IGSF23: variants seen among roughly 807,000 people sequenced by gnomAD.
IGSF23 encodes the protein immunoglobulin superfamily member 23, also known as immunoglobulin superfamily, member 23.
A neutral mutation model predicts 17.8 loss-of-function variants in IGSF23; 14 were observed. The ratio of observed to expected loss-of-function variants is 0.79; its 90% CI spans 0.52 to 1.23. The LOEUF (loss-of-function observed/expected upper bound fraction) is 1.23. Among genes scored for constraint, IGSF23 ranks in the 50% most tolerant of loss-of-function variants. The pLI, the probability that IGSF23 is intolerant of heterozygous loss-of-function variation, is 0.00. For synonymous variants in IGSF23, 85 were observed against 92.5 expected (o/e 0.92, Z 0.46); for missense variants, 214 against 241.7 (o/e 0.89, Z 0.76).
At chr19:44,634,436 G>C (rs1304231230) in intron 3 of IGSF23, among the ~76,000 whole-genome samples, 1 of 152,128 alleles carries the variant, frequency 6.6e-6, no homozygotes, top group Non-Finnish European at 1.5e-5. Context: ...CAAGGAAAAG[G>C]CTCAAATGTA....
chr19:44,628,127 C>T (rs1365456912), intron 3 of IGSF23, among the ~76,000 whole-genome samples: 2 of 151,762 alleles, frequency 1.3e-5, no homozygotes, highest in African/African-American at 4.8e-5. Flanking sequence ...GTATATTTAG[C>T]AGAGACAGGG....
In IGSF23 at chr19:44,635,418, T is replaced by G; in HGVS notation, c.563T>G (p.Ile188Arg). 1 of 1,548,840 alleles carries G rather than the reference T, an allele frequency of 6.5e-7. No homozygotes were observed. The change falls in exon 4 of 5, where the codon ATA (isoleucine) becomes AGA (arginine). Residue 188 changes from isoleucine to arginine, a missense_variant. Transcript: ENST00000402988. The part of the protein sequence containing the change: ...IQSLRTDRQR[I>R]GICS ...CACTGCAGGACTGACAGGCAGAGAA[T>G]AGGAATATGCAGCTGAAATGTGGGC...
chr19:44,622,632 C>G (rs112738108), intron 1 of IGSF23, among the ~76,000 whole-genome samples: 1 of 152,182 alleles, frequency 6.6e-6, no homozygotes, highest in Non-Finnish European at 1.5e-5. Context: ...AGCCAGCTCA[C>G]GTCCCTCCTC....
intron 3 of IGSF23, among the ~76,000 whole-genome samples, chr19:44,628,464 T>C (rs1315723785): frequency 6.6e-6 from 1 of 152,090 alleles, no homozygotes; most frequent in Admixed American, 6.5e-5. Flanking sequence ...GTATATTGGA[T>C]GGGCCAGGTG....
chr19:44,621,807 A>G (rs1428759735), intron 1 of IGSF23, among the ~76,000 whole-genome samples: 1 of 152,118 alleles, frequency 6.6e-6, no homozygotes, highest in Non-Finnish European at 1.5e-5. Context: ...GTTTTCTATA[A>G]TATTTCTTTT....
chr19:44,621,226 T>A (rs1235518754), intron 1 of IGSF23, among the ~76,000 whole-genome samples: 1 of 147,030 alleles, frequency 6.8e-6, no homozygotes, highest in Admixed American at 7.0e-5. Context: ...GAGGCTGCAG[T>A]GAGCTGTAAC....
chr19:44,617,141 C>T (rs1972399678), intron 1 of IGSF23, among the ~76,000 whole-genome samples: 1 of 151,486 alleles, frequency 6.6e-6, no homozygotes, highest in African/African-American at 2.4e-5. Context: ...AGTAATCTTC[C>T]AGCCTTGCCC....
At chr19:44,623,564 G>A in intron 1 of IGSF23, 143 bp from the exon 2 acceptor site, 7 of 885,606 alleles carry the variant, frequency 7.9e-6, no homozygotes, top group Non-Finnish European at 1.2e-5. Flanking sequence ...GCACAGACCA[G>A]GCTCTTCAAA....
At chr19:44,634,336 C>T (rs1433297550) in intron 3 of IGSF23, among the ~76,000 whole-genome samples, 1 of 152,192 alleles carries the variant, frequency 6.6e-6, no homozygotes, top group Non-Finnish European at 1.5e-5. Context: ...CAGCAGTTTT[C>T]TTTTTTCCCC....
Position 44,626,513 on chromosome 19 carries a change from C to A in IGSF23, c.392-907C>A, listed in dbSNP as rs554462455. Among the ~76,000 whole-genome samples, 24 of 152,240 alleles carry A rather than the reference C, an allele frequency of 1.6e-4. No homozygotes were observed. The South Asian group carries it at 5.0e-3, about 32-fold the overall frequency. On this transcript the variant is annotated intron_variant, in intron 2 of 4. Coordinates refer to ENST00000402988, the MANE Select transcript of IGSF23 (RefSeq NM_001205280.2). Reference sequence around the variant, plus strand: ...CACAGACAGTGATCACCAGAGTGGGCAGGGCTGGGATGGGGGAGCCCAGAG... The same window carrying A: ...CACAGACAGTGATCACCAGAGTGGGAAGGGCTGGGATGGGGGAGCCCAGAG...
rs144300972 is a variant in IGSF23, at chr19:44,634,549, G to A, written c.546-852G>A. Reference sequence around the variant, plus strand: ...AGCTTGCTGGATTCCTGCCTGAATAGAACTGACAGCAGTCGCTCCAGGCGC... The same window carrying A: ...AGCTTGCTGGATTCCTGCCTGAATAAAACTGACAGCAGTCGCTCCAGGCGC... On this transcript the variant is annotated intron_variant, in intron 3 of 4. Transcript: ENST00000402988. Among the ~76,000 whole-genome samples, 300 of 152,290 alleles carry A rather than the reference G, an allele frequency of 2.0e-3. 3 individuals are homozygous for A. Among genetic ancestry groups the A allele is most frequent in the African/African-American group, 6.2e-3 (257 of 41,554 alleles).
intron 2 of IGSF23, among the ~76,000 whole-genome samples, chr19:44,625,730 C>T (rs568188806): frequency 6.6e-6 from 1 of 152,080 alleles, no homozygotes; most frequent in African/African-American, 2.4e-5. Flanking sequence ...TTGGCTGTGT[C>T]CCCACCCAAA....
intron 1 of IGSF23, among the ~76,000 whole-genome samples, chr19:44,622,024 C>T (rs1347694977): frequency 3.3e-5 from 5 of 152,042 alleles, no homozygotes; most frequent in Non-Finnish European, 7.4e-5. Context: ...GAGTTTGAGA[C>T]CAGCCTGGCC....
Position 44,624,105 on chromosome 19 carries a change from G to A in IGSF23, c.391+133G>A, listed in dbSNP as rs192565688. The stretch of plus-strand genomic sequence containing the variant: ...CTGTGAGACCCTTTATAGGCAAAAT[G>A]TCATTCCAATGTTCCATCCACCTGG... On this transcript the variant is annotated intron_variant, in intron 2 of 4. Transcript: ENST00000402988. 1.4e-4 allele frequency: 101 copies of A among 729,592 alleles called. 1 individual carries two copies. In the East Asian group the frequency reaches 2.6e-3, roughly 19 times the overall value. 45.2% of individuals were successfully genotyped at this position (729,592 alleles called of 1,614,324 possible). A position where few individuals can be genotyped will look rare whatever the true frequency, so the allele number is the denominator to read the frequency against.
intron 1 of IGSF23, among the ~76,000 whole-genome samples, chr19:44,615,003 T>C (rs554853259): frequency 6.6e-6 from 1 of 152,274 alleles, no homozygotes; most frequent in African/African-American, 2.4e-5. Context: ...AAAAGTTCAC[T>C]TCTGAGTTGG....
chr19:44,634,634 C>T (rs991586400), intron 3 of IGSF23, among the ~76,000 whole-genome samples: 2 of 152,096 alleles, frequency 1.3e-5, no homozygotes, highest in African/African-American at 2.4e-5. Context: ...AAAGAAAGAA[C>T]TGGAGGGTCA....
chr19:44,620,511 C>T lies in IGSF23; in HGVS notation c.126-3196C>T, dbSNP rs370268745. 1.1e-4 allele frequency among the ~76,000 whole-genome samples: 16 copies of T among 151,912 alleles called. No homozygotes were observed. The South Asian group carries it at 2.7e-3, about 26-fold the overall frequency. ...CCTCCTGAGTAGCTGGGATCACAGG[C>T]GCCCGCCACCACGCCCGGCTAATTT... On this transcript the variant is annotated intron_variant, in intron 1 of 4. Coordinates refer to ENST00000402988, the MANE Select transcript of IGSF23 (RefSeq NM_001205280.2).
intron 1 of IGSF23, 149 bp downstream of exon 1, chr19:44,613,919 G>C (rs1195633541): frequency 1.5e-5 from 23 of 1,547,836 alleles, no homozygotes; most frequent in Non-Finnish European, 1.9e-5. Flanking sequence ...TCCCTGGACA[G>C]AACACGAGAT....
intron 3 of IGSF23, among the ~76,000 whole-genome samples, chr19:44,632,843 C>T (rs1173403972): frequency 6.6e-6 from 1 of 152,172 alleles, no homozygotes; most frequent in Non-Finnish European, 1.5e-5. Context: ...TCCCATAATC[C>T]CTGTTTCTCC....
Sources: allele counts gnomAD v4.1 joint callset (sites outside exome capture counted in the v4.1 genomes callset), GRCh38; gene constraint gnomAD v4.1.1; transcripts MANE v1.5; gene names NCBI Gene and HGNC (gene_info 2026-07-23, HGNC 2026-07-21).